Variants in AMBRA1 observed in about 807,000 individuals in gnomAD.
AMBRA1 encodes the protein activating molecule in BECN1-regulated autophagy protein 1.
In AMBRA1, 47 loss-of-function variants were observed where a neutral mutation model predicts 125.4. The ratio of observed to expected loss-of-function variants is 0.37; its 90% CI spans 0.30 to 0.48. The LOEUF is 0.48. AMBRA1 is among the 20% of genes least tolerant of loss of function. AMBRA1 has a pLI of 0.99. For synonymous variants in AMBRA1, 626 were observed against 655.5 expected (o/e 0.95, Z 0.69); for missense variants, 1,331 against 1,693.4 (o/e 0.79, Z 3.76).
At chr11:46,507,659 G>A (rs540102613) in intron 9 of AMBRA1, among the ~76,000 whole-genome samples, 4 of 152,252 alleles carry the variant, frequency 2.6e-5, no homozygotes, top group South Asian at 4.1e-4. Context: ...GTTCCTGAAT[G>A]GGGGGTAAGA....
intron 1 of AMBRA1, among the ~76,000 whole-genome samples, chr11:46,574,469 C>A (rs7104073): frequency 4.7e-5 from 7 of 150,184 alleles, no homozygotes; most frequent in Non-Finnish European, 1.0e-4. Flanking sequence ...GTCTTCTTTT[C>A]AGAAGTGTCT....
At chr11:46,532,677 C>T (rs1265495578) in intron 7 of AMBRA1, among the ~76,000 whole-genome samples, 1 of 152,166 alleles carries the variant, frequency 6.6e-6, no homozygotes, top group Non-Finnish European at 1.5e-5. Flanking sequence ...CCTTGTGATC[C>T]GCCCACCTTG....
At chr11:46,503,869 T>C (rs1364311916) in intron 9 of AMBRA1, among the ~76,000 whole-genome samples, 1 of 152,250 alleles carries the variant, frequency 6.6e-6, no homozygotes, top group Admixed American at 6.5e-5. Context: ...AACAGTCTTT[T>C]ATTTGTTTAA....
Position 46,543,331 on chromosome 11 carries a change from A to T in AMBRA1, c.686T>A (p.Leu229Gln). 1 of 1,614,020 alleles carries T rather than the reference A, an allele frequency of 6.2e-7. No homozygotes were observed. The highest frequency in any genetic ancestry group is 8.5e-7 in the Non-Finnish European group (1 of 1,179,922). ...ELSHYRQRAL[L>Q]QSQPVRRTPL... ...CGTCCGGCGAACTGGCTGTGATTGC[A>T]GGAGGGCACGCTGACGGTAGTGGGA... The change falls in exon 7 of 18, where the codon CTG (leucine) becomes CAG (glutamine). Residue 229 changes from leucine to glutamine, a missense_variant. This residue lies in a region of AMBRA1 where 689 missense variants were observed against 776.5 expected (regional missense o/e 0.89). Coordinates refer to ENST00000683756, the MANE Select transcript of AMBRA1 (RefSeq NM_001387011.1).
chr11:46,500,058 G>C (rs1160225766), intron 9 of AMBRA1, among the ~76,000 whole-genome samples: 1 of 152,146 alleles, frequency 6.6e-6, no homozygotes, highest in Non-Finnish European at 1.5e-5. Context: ...CAGACACTGA[G>C]GCCTAGGATG....
intron 1 of AMBRA1, among the ~76,000 whole-genome samples, chr11:46,576,589 A>T (rs1591171377): frequency 6.6e-6 from 1 of 152,208 alleles, no homozygotes; most frequent in East Asian, 1.9e-4. Context: ...TCCCTCGGTA[A>T]CAACATTTCA....
rs59904013 is a variant in AMBRA1 at position 46,527,477 on chromosome 11, C to CAAAAAAAAAAAAA, written c.2072+14455_2072+14467dup. Among the ~76,000 whole-genome samples the CAAAAAAAAAAAAA allele has an allele frequency of 6.5e-3, 168 of 25,938 alleles. 20 individuals carry two copies. Among genetic ancestry groups the CAAAAAAAAAAAAA allele is most frequent in the African/African-American group, 0.025 (125 of 5,090 alleles). 17.0% of individuals were successfully genotyped at this position (25,938 alleles called of 152,430 possible). A position where few individuals can be genotyped will look rare whatever the true frequency, so the allele number is the denominator to read the frequency against. On this transcript the variant is annotated intron_variant, in intron 7 of 17. Coordinates refer to ENST00000683756, the MANE Select transcript of AMBRA1 (RefSeq NM_001387011.1). Reference sequence around the variant, plus strand: ...CCTAGGTGACAAAGTGAGACTGTCTCAAAAAAAAAAAAAAAAAAAAAAAAA... The same window carrying CAAAAAAAAAAAAA: ...CCTAGGTGACAAAGTGAGACTGTCTCAAAAAAAAAAAAAAAAAAAAAAAAAAAAAAAAAAAAAA...
chr11:46,557,743 G>A (rs2043201887), intron 1 of AMBRA1, among the ~76,000 whole-genome samples: 1 of 152,202 alleles, frequency 6.6e-6, no homozygotes, highest in South Asian at 2.1e-4. Flanking sequence ...AGGAGGTCGA[G>A]GCTGCAGTGA....
chr11:46,420,019 C>CACACACACACACACACACACACA (rs1409977902), intron 14 of AMBRA1, among the ~76,000 whole-genome samples: 1 of 151,776 alleles, frequency 6.6e-6, no homozygotes, highest in African/African-American at 2.4e-5. Flanking sequence ...CACACACACA[C>CACACACACACACACACACACACA]ACTCTTCCAG....
intron 7 of AMBRA1, among the ~76,000 whole-genome samples, chr11:46,540,321 G>C (rs551446798): frequency 6.6e-6 from 1 of 152,158 alleles, no homozygotes; most frequent in Non-Finnish European, 1.5e-5. Context: ...CTTTTACAGA[G>C]ATCTTTAATA....
chr11:46,541,192 A>G (rs1952719846), intron 7 of AMBRA1, among the ~76,000 whole-genome samples: 1 of 152,218 alleles, frequency 6.6e-6, no homozygotes, highest in Non-Finnish European at 1.5e-5. Flanking sequence ...CATGGAACAT[A>G]TGGTGGGCGA....
At chr11:46,515,737 G>A (rs1350234175) in intron 7 of AMBRA1, among the ~76,000 whole-genome samples, 4 of 151,940 alleles carry the variant, frequency 2.6e-5, no homozygotes, top group Admixed American at 6.6e-5. Context: ...GTGCAGTGGC[G>A]CAATCTTGGC....
At chr11:46,535,676 T>C (rs1591056003) in intron 7 of AMBRA1, among the ~76,000 whole-genome samples, 1 of 152,032 alleles carries the variant, frequency 6.6e-6, no homozygotes, top group African/African-American at 2.4e-5. Context: ...GATAATAATA[T>C]TACTGAGGTG....
intron 11 of AMBRA1, 100 bp downstream of exon 11, chr11:46,493,508 T>C: frequency 1.1e-6 from 1 of 948,168 alleles, no homozygotes; most frequent in Non-Finnish European, 1.6e-6. Context: ...TTCAGACAGA[T>C]GCCAAGACAC....
chr11:46,413,477 GCTTT>G (rs59598480), intron 15 of AMBRA1, among the ~76,000 whole-genome samples: 2,735 of 152,118 alleles, frequency 0.018, 85 homozygotes, highest in South Asian at 0.15. Flanking sequence ...GAAACTCTTA[GCTTT>G]CTTTCTTTCT....
At chr11:46,525,575 A>T (rs945529780) in intron 7 of AMBRA1, among the ~76,000 whole-genome samples, 5 of 152,132 alleles carry the variant, frequency 3.3e-5, no homozygotes, top group Non-Finnish European at 5.9e-5. Context: ...ACACGGTGAA[A>T]CCCTGTCCCT....
intron 7 of AMBRA1, among the ~76,000 whole-genome samples, chr11:46,520,841 G>A (rs536315794): frequency 6.6e-6 from 1 of 151,060 alleles, no homozygotes; most frequent in Non-Finnish European, 1.5e-5. Flanking sequence ...TCCTGACCTC[G>A]TGATCCGCCC....
At chr11:46,564,343 T>C (rs2043447988) in intron 1 of AMBRA1, among the ~76,000 whole-genome samples, 1 of 152,062 alleles carries the variant, frequency 6.6e-6, no homozygotes, top group Admixed American at 6.5e-5. Flanking sequence ...TCATTGAACA[T>C]TTGCTACACA....
chr11:46,437,431 A>G (rs1261328107), intron 12 of AMBRA1, among the ~76,000 whole-genome samples: 1 of 152,200 alleles, frequency 6.6e-6, no homozygotes, highest in Non-Finnish European at 1.5e-5. Flanking sequence ...AAATTGTAAC[A>G]GCTTCTCCGG....
Sources: allele counts gnomAD v4.1 joint callset (sites outside exome capture counted in the v4.1 genomes callset), GRCh38; gene constraint gnomAD v4.1.1; regional missense constraint gnomAD v4.1.1; transcripts MANE v1.5; gene names NCBI Gene and HGNC (gene_info 2026-07-23, HGNC 2026-07-21).